The following HAUS1 variants were observed in gnomAD, a reference collection of about 807,000 sequenced individuals.
HAUS1 encodes the protein HAUS augmin-like complex subunit 1.
A neutral mutation model predicts 38.6 loss-of-function variants in HAUS1; 25 were observed. That is an observed-to-expected ratio of 0.65 (90% CI 0.47 to 0.91). The LOEUF is 0.91. Among genes scored for constraint, HAUS1 ranks in the 40% least tolerant of loss-of-function variants. The pLI is 0.00. For missense variants in HAUS1, 325 were observed against 328.4 expected (o/e 0.99, Z 0.08); for synonymous variants, 109 against 112.9 (o/e 0.97, Z 0.22).
chr18:46,112,346 T>TTA (rs34972960), intron 2 of HAUS1, among the ~76,000 whole-genome samples: 9 of 100,628 alleles, frequency 8.9e-5, no homozygotes, highest in African/African-American at 2.6e-4. Flanking sequence ...ATATTCCATA[T>TTA]TATATATAAT....
chr18:46,108,899 G>T (rs567921650), intron 2 of HAUS1, among the ~76,000 whole-genome samples: 24 of 151,952 alleles, frequency 1.6e-4, no homozygotes, highest in African/African-American at 5.3e-4. Context: ...GTGAAATCCC[G>T]TCTCTACTAA....
intron 5 of HAUS1, 126 bp downstream of exon 5, chr18:46,122,716 C>A: frequency 2.0e-6 from 2 of 1,014,318 alleles, no homozygotes; most frequent in Non-Finnish European, 2.9e-6. Context: ...GTAAGTTGCC[C>A]AAGATTACAT....
At chr18:46,116,470 A>G (rs1483410233) in intron 2 of HAUS1, among the ~76,000 whole-genome samples, 1 of 151,934 alleles carries the variant, frequency 6.6e-6, no homozygotes, top group African/African-American at 2.4e-5. Context: ...CTGAGGTGGG[A>G]GGATCACTTG....
chr18:46,105,554 G>A (rs1048223882), intron 2 of HAUS1, 186 bp downstream of exon 2: 31 of 74,714 alleles, frequency 4.1e-4, no homozygotes, highest in African/African-American at 6.1e-4. Flanking sequence ...ATATGTATGT[G>A]TGTGTGTGTG....
At chr18:46,125,560 AAAG>A (rs1912079571) in intron 7 of HAUS1, among the ~76,000 whole-genome samples, 181 bp from the exon 8 acceptor site, 2 of 151,636 alleles carry the variant, frequency 1.3e-5, no homozygotes, top group South Asian at 2.1e-4. Context: ...AAAAAAAAAA[AAAG>A]AAAGAAAATA....
rs745476306 is a variant in HAUS1, at chr18:46,124,862, A to G, written c.707A>G (p.Lys236Arg). 1 of 1,605,304 alleles carries G rather than the reference A, an allele frequency of 6.2e-7. No individual in the cohort carries two copies. The highest frequency in any genetic ancestry group is 2.2e-5 in the East Asian group (1 of 44,814). ...RLKQQTIPLK[K>R]KLESYLDLMP... ...AAGCAACAGACTATACCTTTGAAGA[A>G]AAAATTGGAGTCCTATTTAGACTTA... is the stretch of plus-strand genomic sequence containing the variant. The change falls in exon 7 of 9, where the codon AAA (lysine) becomes AGA (arginine). Residue 236 changes from lysine to arginine, a missense_variant. By Grantham distance (26) the Lys-to-Arg change is conservative. Coordinates refer to ENST00000282058, the MANE Select transcript of HAUS1 (RefSeq NM_138443.4).
chr18:46,112,924 G>A (rs1416449985), intron 2 of HAUS1, among the ~76,000 whole-genome samples: 1 of 106,388 alleles, frequency 9.4e-6, no homozygotes, highest in African/African-American at 4.2e-5. Flanking sequence ...TATATAATGT[G>A]TATATATTCC....
At chr18:46,109,619 T>C in intron 2 of HAUS1, 1 of 152,254 alleles carries the variant, frequency 6.6e-6, no homozygotes, top group Non-Finnish European at 1.5e-5. Context: ...TTCTTTTTCT[T>C]TTCTTTTTTT....
chr18:46,107,971 C>T (rs190266248), intron 2 of HAUS1, among the ~76,000 whole-genome samples: 143 of 152,146 alleles, frequency 9.4e-4, no homozygotes, highest in African/African-American at 3.4e-3. Context: ...TACCAAGTAG[C>T]TGGGATTATA....
chr18:46,109,306 G>A (rs927368090), intron 2 of HAUS1, among the ~76,000 whole-genome samples: 7 of 152,006 alleles, frequency 4.6e-5, no homozygotes, highest in Non-Finnish European at 8.8e-5. Flanking sequence ...GGGGAAGTCC[G>A]CCCCCATGAT....
At chr18:46,114,694 C>T (rs1327124776) in intron 2 of HAUS1, among the ~76,000 whole-genome samples, 1 of 152,122 alleles carries the variant, frequency 6.6e-6, no homozygotes, top group African/African-American at 2.4e-5. Context: ...TTGCTTCTCC[C>T]AGGAAGAAGG....
intron 2 of HAUS1, among the ~76,000 whole-genome samples, chr18:46,110,352 T>TTTG (rs1911594583): frequency 7.4e-6 from 1 of 135,248 alleles, no homozygotes; most frequent in African/African-American, 2.7e-5. Context: ...TTTTTTTTTT[T>TTTG]TTTTTTTTTT....
At position 46,128,264 on chromosome 18, in the gene HAUS1, G is replaced by T. The variant is rs919029938; in HGVS notation, c.*139G>T. ...CAGAATATCATAATTGATAGAATAT[G>T]GTTTCTTACTGTGTGTTGCATTTTT... On this transcript the variant is annotated 3_prime_UTR_variant, in exon 9 of 9. Coordinates refer to ENST00000282058, the MANE Select transcript of HAUS1 (RefSeq NM_138443.4). The T allele has an allele frequency of 1.4e-5, 7 of 494,462 alleles. No individual in the cohort carries two copies. Among genetic ancestry groups the T allele is most frequent in the South Asian group, 8.5e-5 (2 of 23,608 alleles). 30.6% of individuals were successfully genotyped at this position (494,462 alleles called of 1,614,324 possible). A position where few individuals can be genotyped will look rare whatever the true frequency, so the allele number is the denominator to read the frequency against.
chr18:46,119,860 A>G, intron 3 of HAUS1, 66 bp from the exon 4 acceptor site: 2 of 1,357,446 alleles, frequency 1.5e-6, no homozygotes, highest in Middle Eastern at 2.7e-4. Flanking sequence ...AGTCATTTTT[A>G]GCAATGAGGA....
At chr18:46,107,098 A>G (rs1911501059) in intron 2 of HAUS1, among the ~76,000 whole-genome samples, 1 of 152,144 alleles carries the variant, frequency 6.6e-6, no homozygotes, top group Non-Finnish European at 1.5e-5. Flanking sequence ...CCATTTTAAT[A>G]CACTTAGAGT....
Position 46,118,272 on chromosome 18 carries a change from T to C in HAUS1, c.297T>C (p.Val99=). 1 of 1,613,284 alleles carries C rather than the reference T, an allele frequency of 6.2e-7. No individual in the cohort carries two copies. The highest frequency in any genetic ancestry group is 1.1e-5 in the South Asian group (1 of 91,036). ...STGSRYLNAL[V]DSAVALETKD... is the part of the protein sequence containing the mutation. ...GTTCCAGGTATCTGAATGCTTTGGT[T>C]GACAGTGCGGTGGCCCTTGAAACAA... Residue 99 remains valine, a synonymous_variant, in exon 3 of 9, where the codon GTT becomes GTC. Coordinates refer to ENST00000282058, the MANE Select transcript of HAUS1 (RefSeq NM_138443.4).
At chr18:46,105,060 T>C (rs1055703034) in intron 1 of HAUS1, 134 bp from the exon 2 acceptor site, 1 of 546,602 alleles carries the variant, frequency 1.8e-6, no homozygotes, top group Admixed American at 3.5e-5. Context: ...TAAAGACAAG[T>C]GAGGTTGTGA....
At chr18:46,116,805 G>C (rs1300255225) in intron 2 of HAUS1, among the ~76,000 whole-genome samples, 1 of 151,894 alleles carries the variant, frequency 6.6e-6, no homozygotes, top group African/African-American at 2.4e-5. Flanking sequence ...TTGAGTCCAG[G>C]AGTTCAAGAC....
chr18:46,112,110 C>A (rs1311135960), intron 2 of HAUS1, among the ~76,000 whole-genome samples: 1 of 150,414 alleles, frequency 6.6e-6, no homozygotes, highest in Non-Finnish European at 1.5e-5. Context: ...TGGTCTCGAT[C>A]TCCTGACCTC....
Sources: gnomAD v4.1 joint callset for allele counts (sites outside exome capture counted in the v4.1 genomes callset) on GRCh38, gnomAD v4.1.1 for gene constraint, MANE v1.5 for transcripts, NCBI Gene and HGNC (gene_info 2026-07-23, HGNC 2026-07-21) for gene names.